Variants in EPHA6 observed in about 807,000 individuals in gnomAD.
EPHA6 encodes the protein EPH receptor A6.
Under a neutral mutation model 112.0 loss-of-function variants are expected in EPHA6, and 50 were observed. That is an observed-to-expected ratio of 0.45 (90% CI 0.36 to 0.56). The LOEUF is 0.56. Ranked by LOEUF, EPHA6 falls within the 20% of genes least tolerant of loss-of-function variation. The pLI is 0.00. For missense variants in EPHA6, 1,280 were observed against 1,417.4 expected, an observed-to-expected ratio of 0.90 and a Z score of 1.56; for synonymous variants, 529 against 490.7, an observed-to-expected ratio of 1.08 and a Z score of -1.03.
rs138931158 is a variant in EPHA6 at position 97,430,110 on chromosome 3, A to G, written c.1732-18458A>G. ...TCACATAGTTTTATTTATAAATGAA[A>G]TTAAAGAATGAATAACATTCATATT... On this transcript the variant is annotated intron_variant, in intron 6 of 17. Transcript: ENST00000389672. Among the ~76,000 whole-genome samples the G allele has an allele frequency of 1.5e-3, 221 of 152,314 alleles. 1 individual carries two copies. The highest frequency in any genetic ancestry group is 5.1e-3 in the African/African-American group (214 of 41,590).
At chr3:97,635,929 G>A (rs1270028034) in intron 13 of EPHA6, among the ~76,000 whole-genome samples, 1 of 152,012 alleles carries the variant, frequency 6.6e-6, no homozygotes, top group Non-Finnish European at 1.5e-5. Flanking sequence ...AGGAGCATAT[G>A]TTGAGAAGTG....
At chr3:96,928,868 T>C (rs145202061) in intron 2 of EPHA6, among the ~76,000 whole-genome samples, 3,518 of 152,338 alleles carry the variant, frequency 0.023, 141 homozygotes, top group African/African-American at 0.08. Context: ...TTTACCATTA[T>C]GTAATACCCT....
intron 3 of EPHA6, among the ~76,000 whole-genome samples, chr3:97,154,908 A>G (rs2076254814): frequency 6.6e-6 from 1 of 152,184 alleles, no homozygotes; most frequent in Admixed American, 6.5e-5. Context: ...CACATTTTAG[A>G]CCACATTCAT....
At chr3:96,872,429 G>C (rs986416696) in intron 2 of EPHA6, among the ~76,000 whole-genome samples, 1 of 152,120 alleles carries the variant, frequency 6.6e-6, no homozygotes, top group African/African-American at 2.4e-5. Context: ...CCTCTTCCTT[G>C]CTTTATGTAG....
chr3:96,989,425 A>G (rs2043137948), intron 3 of EPHA6, among the ~76,000 whole-genome samples: 1 of 152,174 alleles, frequency 6.6e-6, no homozygotes, highest in Admixed American at 6.5e-5. Flanking sequence ...ATAGGTTATC[A>G]ATATAGTTTA....
At chr3:97,596,883 T>G (rs1032061389) in intron 12 of EPHA6, among the ~76,000 whole-genome samples, 4 of 134,202 alleles carry the variant, frequency 3.0e-5, no homozygotes, top group Non-Finnish European at 6.2e-5. Flanking sequence ...GGAATATATA[T>G]ATATATATAT....
intron 14 of EPHA6, among the ~76,000 whole-genome samples, chr3:97,643,039 G>C (rs2094023485): frequency 6.6e-6 from 1 of 152,122 alleles, no homozygotes; most frequent in Admixed American, 6.5e-5. Context: ...GGCAGCCAGA[G>C]AGAAAGGTCG....
intron 3 of EPHA6, among the ~76,000 whole-genome samples, chr3:97,102,375 A>G (rs1176620644): frequency 1.3e-5 from 2 of 152,090 alleles, no homozygotes; most frequent in Non-Finnish European, 2.9e-5. Context: ...CAGAACTGCG[A>G]GATACAATAA....
intron 4 of EPHA6, among the ~76,000 whole-genome samples, chr3:97,241,489 A>G (rs1198247701): frequency 6.6e-6 from 1 of 151,780 alleles, no homozygotes; most frequent in Non-Finnish European, 1.5e-5. Context: ...ATGTTTATAT[A>G]ATTTATAAAT....
chr3:97,264,233 C>T (rs1337466191), intron 5 of EPHA6, among the ~76,000 whole-genome samples: 10 of 152,222 alleles, frequency 6.6e-5, no homozygotes, highest in African/African-American at 2.4e-4. Flanking sequence ...TCCCTTGGCT[C>T]ATGCTACCAG....
At chr3:96,843,369 G>A (rs1230547996) in intron 1 of EPHA6, among the ~76,000 whole-genome samples, 11 of 152,032 alleles carry the variant, frequency 7.2e-5, no homozygotes, top group Non-Finnish European at 1.6e-4. Flanking sequence ...ATAGTTAAGG[G>A]AGTATGGAGT....
chr3:97,221,825 A>G (rs1459520090), intron 3 of EPHA6, among the ~76,000 whole-genome samples: 1 of 152,156 alleles, frequency 6.6e-6, no homozygotes, highest in Non-Finnish European at 1.5e-5. Context: ...TGAGGTCAGG[A>G]GTTCAAGACC....
chr3:97,585,546 G>A (rs941875436), intron 11 of EPHA6, among the ~76,000 whole-genome samples: 1 of 152,104 alleles, frequency 6.6e-6, no homozygotes, highest in African/African-American at 2.4e-5. Context: ...TACATTTATT[G>A]TGTCCTATTT....
intron 2 of EPHA6, among the ~76,000 whole-genome samples, chr3:96,981,687 C>CT (rs200631396): frequency 0.024 from 3,624 of 151,854 alleles, 147 homozygotes; most frequent in African/African-American, 0.083. Flanking sequence ...TGGTCCTGGA[C>CT]TTTTTTTTGT....
At chr3:96,901,202 A>G (rs1396077994) in intron 2 of EPHA6, among the ~76,000 whole-genome samples, 2 of 152,192 alleles carry the variant, frequency 1.3e-5, no homozygotes, top group African/African-American at 2.4e-5. Flanking sequence ...TGAGACTCTC[A>G]TTAGCCAACA....
At chr3:97,657,583 A>G (rs1303634786) in intron 14 of EPHA6, among the ~76,000 whole-genome samples, 3 of 151,806 alleles carry the variant, frequency 2.0e-5, no homozygotes, top group Admixed American at 6.6e-5. Context: ...TTAATTTGAA[A>G]TCCTTGTACC....
chr3:97,046,660 C>T (rs766522796), intron 3 of EPHA6, among the ~76,000 whole-genome samples: 14 of 152,166 alleles, frequency 9.2e-5, no homozygotes, highest in Non-Finnish European at 2.1e-4. Context: ...TAGAATTCAG[C>T]ATATCACTGA....
chr3:96,857,536 T>C (rs1365554745), intron 1 of EPHA6, among the ~76,000 whole-genome samples: 1 of 151,182 alleles, frequency 6.6e-6, no homozygotes, highest in Non-Finnish European at 1.5e-5. Flanking sequence ...ACTGTGACAT[T>C]TCCTCAGTAG....
At chr3:97,055,218 T>G (rs867661545) in intron 3 of EPHA6, among the ~76,000 whole-genome samples, 41 of 152,120 alleles carry the variant, frequency 2.7e-4, no homozygotes, top group African/African-American at 9.9e-4. Context: ...GGATGTAGAT[T>G]AGGGACATCT....
Sources: gnomAD v4.1 joint callset for allele counts (sites outside exome capture counted in the v4.1 genomes callset) on GRCh38, gnomAD v4.1.1 for gene constraint, MANE v1.5 for transcripts, NCBI Gene and HGNC (gene_info 2026-07-23, HGNC 2026-07-21) for gene names.